Variants in CIMIP2C observed in about 807,000 individuals in gnomAD.
The protein encoded by CIMIP2C is UPF0573 protein C2orf70.
At chr2:26,568,828 C>A in the CIMIP2C span, among the ~76,000 whole-genome samples, 1 of 152,070 alleles carries the variant, frequency 6.6e-6, no homozygotes, top group Non-Finnish European at 1.5e-5. Context: ...TGAGACCAGT[C>A]TGGCCAATAT....
At chr2:26,573,151 T>C in the CIMIP2C span, among the ~76,000 whole-genome samples, 13 of 152,138 alleles carry the variant, frequency 8.5e-5, no homozygotes, top group African/African-American at 1.7e-4. Context: ...CACGTTTCAA[T>C]GGTGGGTCTG....
chr2:26,569,718 G>C, the CIMIP2C span, among the ~76,000 whole-genome samples: 1 of 152,106 alleles, frequency 6.6e-6, no homozygotes. Flanking sequence ...GGTCCGGCTT[G>C]GCACAGTCTC....
chr2:26,574,505 C>A, the CIMIP2C span, among the ~76,000 whole-genome samples: 2 of 152,106 alleles, frequency 1.3e-5, no homozygotes, highest in African/African-American at 4.8e-5. Context: ...GAGATCAAGC[C>A]TGGGAGACAT....
At chr2:26,578,760 C>A in the CIMIP2C span, 1 of 471,220 alleles carries the variant, frequency 2.1e-6, no homozygotes. Flanking sequence ...GACATCTCAA[C>A]TCTGTTCCTT....
At chr2:26,579,339 C>T in the CIMIP2C span, 12 of 1,614,098 alleles carry the variant, frequency 7.4e-6, no homozygotes, top group Middle Eastern at 1.6e-4. Context: ...TAAGACTAGC[C>T]CCCGAGAACC....
the CIMIP2C span, chr2:26,577,963 CGTGGGCGCCGA>C: frequency 6.3e-6 from 2 of 319,076 alleles, no homozygotes; most frequent in Admixed American, 1.0e-4. Flanking sequence ...CTAGTCCTAA[CGTGGGCGCCGA>C]TGCAGAGCGC....
chr2:26,572,655 G>T, the CIMIP2C span, among the ~76,000 whole-genome samples: 528 of 152,360 alleles, frequency 3.5e-3, 3 homozygotes, highest in African/African-American at 0.012. Context: ...TGAGAAAGAA[G>T]GTGAAAGAGG....
chr2:26,564,255 T>A, the CIMIP2C span, among the ~76,000 whole-genome samples: 1 of 152,220 alleles, frequency 6.6e-6, no homozygotes, highest in South Asian at 2.1e-4. Context: ...TTGGAAAATT[T>A]TCTATTGTCT....
the CIMIP2C span, among the ~76,000 whole-genome samples, chr2:26,577,312 A>C: frequency 6.6e-6 from 1 of 152,284 alleles, no homozygotes; most frequent in East Asian, 1.9e-4. Context: ...TATTCCCATT[A>C]GGCAGATGAG....
chr2:26,562,938 G>T, the CIMIP2C span: 4 of 524,840 alleles, frequency 7.6e-6, no homozygotes, highest in East Asian at 1.4e-4. Flanking sequence ...CAGCCAGCAG[G>T]GCATAAGGGA....
At chr2:26,579,267 T>G in the CIMIP2C span, 3 of 1,610,980 alleles carry the variant, frequency 1.9e-6, no homozygotes, top group Non-Finnish European at 2.5e-6. Flanking sequence ...GCACACTGCA[T>G]AACACCAGTC....
At chr2:26,571,336 C>T in the CIMIP2C span, among the ~76,000 whole-genome samples, 3 of 152,204 alleles carry the variant, frequency 2.0e-5, no homozygotes, top group Non-Finnish European at 2.9e-5. Flanking sequence ...TGTCATGGAG[C>T]TCCTCCAGTA....
At chr2:26,577,297 G>A in the CIMIP2C span, among the ~76,000 whole-genome samples, 1 of 152,314 alleles carries the variant, frequency 6.6e-6, no homozygotes, top group Admixed American at 6.5e-5. Context: ...TCTGGTGGGT[G>A]TCGTTATTCC....
At chr2:26,577,630 T>G in the CIMIP2C span, 1 of 1,611,082 alleles carries the variant, frequency 6.2e-7, no homozygotes, top group Non-Finnish European at 8.5e-7. Context: ...CACCGTCCTG[T>G]GAGTGCCTGC....
the CIMIP2C span, among the ~76,000 whole-genome samples, chr2:26,565,184 G>C: frequency 2.0e-5 from 3 of 151,742 alleles, no homozygotes; most frequent in Non-Finnish European, 2.9e-5. Flanking sequence ...CTGCCTCCTG[G>C]GTTCAAGCAA....
chr2:26,568,953 G>A, the CIMIP2C span, among the ~76,000 whole-genome samples: 1 of 151,174 alleles, frequency 6.6e-6, no homozygotes, highest in East Asian at 1.9e-4. Flanking sequence ...CCCGGGAGAT[G>A]GAGGTTGCAG....
chr2:26,576,112 G>A, the CIMIP2C span: 1 of 1,614,168 alleles, frequency 6.2e-7, no homozygotes, highest in African/African-American at 1.3e-5. Context: ...GGCTGCACAA[G>A]CCCAGCTACA....
chr2:26,573,581 C>T, the CIMIP2C span, among the ~76,000 whole-genome samples: 2 of 152,212 alleles, frequency 1.3e-5, no homozygotes, highest in African/African-American at 4.8e-5. Context: ...CCAAGGTGAC[C>T]ACACAGCCTC....
chr2:26,572,034 G>GGA, the CIMIP2C span: 42 of 1,413,364 alleles, frequency 3.0e-5, no homozygotes, highest in Admixed American at 5.0e-5. Context: ...TCCCACTATA[G>GGA]GAGAGAGAGA....
Sources: allele counts gnomAD v4.1 joint callset (sites outside exome capture counted in the v4.1 genomes callset), GRCh38; gene constraint gnomAD v4.1.1; transcripts MANE v1.5; gene names NCBI Gene and HGNC (gene_info 2026-07-23, HGNC 2026-07-21).